IGFBP5: variants seen among roughly 807,000 people sequenced by gnomAD.
IGFBP5 encodes the protein insulin like growth factor binding protein 5.
Under a neutral mutation model 28.0 loss-of-function variants are expected in IGFBP5, and 12 were observed. The observed-to-expected ratio is 0.43, with a 90% CI of 0.27 to 0.69. The LOEUF is 0.69. Among genes scored for constraint, IGFBP5 ranks in the 30% least tolerant of loss-of-function variants. The pLI is 0.20. For missense variants in IGFBP5, 344 were observed against 381.6 expected, an observed-to-expected ratio of 0.90 and a Z score of 0.82; for synonymous variants, 152 against 150.2, an observed-to-expected ratio of 1.01 and a Z score of -0.09.
At position 216,676,408 on chromosome 2, in the gene IGFBP5, C is replaced by A. The variant is rs137931946; in HGVS notation, c.*343G>T. 2.4e-3 allele frequency: 414 copies of A among 175,914 alleles called. 1 individual carries two copies. The highest frequency in any genetic ancestry group is 9.4e-3 in the African/African-American group (393 of 41,724). 10.9% of individuals were successfully genotyped at this position (175,914 alleles called of 1,614,324 possible). On this transcript the variant is annotated 3_prime_UTR_variant, in exon 4 of 4. Transcript: ENST00000233813. Reference sequence around the variant, plus strand: ...CTGCCCACCTGCTTGTCTTCCTTTTCCTAACTCTATTCGTCTTTCTCTCTC... The same window carrying A: ...CTGCCCACCTGCTTGTCTTCCTTTTACTAACTCTATTCGTCTTTCTCTCTC...
chr2:216,678,621 C>T, intron 2 of IGFBP5: 1 of 583,508 alleles, frequency 1.7e-6, no homozygotes, highest in South Asian at 2.2e-5. Context: ...GGCTGGCACA[C>T]ACTCTCCTCA....
intron 1 of IGFBP5, among the ~76,000 whole-genome samples, chr2:216,691,717 C>G (rs905916741): frequency 9.9e-5 from 15 of 151,920 alleles, no homozygotes; most frequent in Non-Finnish European, 2.2e-4. Flanking sequence ...CTCTTCTGCT[C>G]CCCATTTCTG....
chr2:216,694,606 A>C lies in IGFBP5; in HGVS notation c.170T>G (p.Met57Arg), dbSNP rs949282862. 16 of 1,543,440 alleles carry C rather than the reference A, an allele frequency of 1.0e-5. No homozygotes were observed. Among genetic ancestry groups the C allele is most frequent in the Non-Finnish European group, 1.4e-5 (16 of 1,146,286 alleles). ...CTGCCCCTCGGCCAGGGCGCAGGTC[A>C]TGCAGCAGCCGCAGCCCGGCTCCTT... is the stretch of plus-strand genomic sequence containing the variant. ...LVKEPGCGCC[M>R]TCALAEGQSC... The change falls in exon 1 of 4, where the codon ATG becomes AGG. Residue 57 changes from methionine (M) to arginine (R), a missense_variant. Transcript: ENST00000233813. The surrounding 1 kb of genome is among the most constrained non-coding windows in gnomAD (Gnocchi z 5.2).
rs1462538826 is a variant in IGFBP5 at position 216,674,491 on chromosome 2, TG to T, written c.*2259del. The T allele has an allele frequency of 1.3e-5, 2 of 152,376 alleles. No individual in the cohort carries two copies. Among genetic ancestry groups the T allele is most frequent in the African/African-American group, 4.8e-5 (2 of 41,452 alleles). The allele number at this position is 152,376 out of a possible 1,614,324, so 9.4% of individuals were successfully genotyped here. ...GGGTTCCCATCAGTTGAAACAGATT[TG>T]CTTTTTCGCTATTCCTCTTCGTAGC... On this transcript the variant is annotated 3_prime_UTR_variant, in exon 4 of 4. Coordinates refer to ENST00000233813, the MANE Select transcript of IGFBP5 (RefSeq NM_000599.4). This position sits in a 1 kb window ranked among gnomAD's most constrained non-coding sequence, Gnocchi z 4.4.
In IGFBP5 at chr2:216,692,490, T is replaced by C. The variant is rs914409695; in HGVS notation, c.337+1949A>G. 6.6e-6 allele frequency among the ~76,000 whole-genome samples: 1 copy of C among 151,774 alleles called. No individual in the cohort carries two copies. Among genetic ancestry groups the C allele is most frequent in the African/African-American group, 2.4e-5 (1 of 41,328 alleles). ...CACTAGCCACATCACACTACACGCT[T>C]GGTAAATAATAAGTGGAGCCAGGAT... On this transcript the variant is annotated intron_variant, in intron 1 of 3. Coordinates refer to ENST00000233813, the MANE Select transcript of IGFBP5 (RefSeq NM_000599.4). This position sits in a 1 kb window ranked among gnomAD's most constrained non-coding sequence, Gnocchi z 4.2.
intron 1 of IGFBP5, among the ~76,000 whole-genome samples, chr2:216,690,126 G>C (rs965220886): frequency 6.6e-6 from 1 of 152,208 alleles, no homozygotes; most frequent in Non-Finnish European, 1.5e-5. Context: ...ATTTTTGCAA[G>C]TATGTAATCA....
chr2:216,676,626 T>C lies in IGFBP5; in HGVS notation c.*125A>G, dbSNP rs1357753603. ...TTCCGAGGTCCTCAGTTTCCTCAAA[T>C]AGATAGATATATATTTTTCCCTTAA... On this transcript the variant is annotated 3_prime_UTR_variant, in exon 4 of 4. Coordinates refer to ENST00000233813, the MANE Select transcript of IGFBP5 (RefSeq NM_000599.4). The C allele has an allele frequency of 5.0e-6, 3 of 600,052 alleles. No individual in the cohort carries two copies. The Admixed American group carries it at 1.0e-4, about 21-fold the overall frequency. 37.2% of individuals were successfully genotyped at this position (600,052 alleles called of 1,614,324 possible).
At chr2:216,693,039 C>A (rs1689119442) in intron 1 of IGFBP5, among the ~76,000 whole-genome samples, 1 of 152,164 alleles carries the variant, frequency 6.6e-6, no homozygotes, top group Non-Finnish European at 1.5e-5. Flanking sequence ...AAACTGTCTC[C>A]GTAACTAAAC....
chr2:216,685,714 T>C (rs1249785148), intron 1 of IGFBP5, among the ~76,000 whole-genome samples: 3 of 152,114 alleles, frequency 2.0e-5, no homozygotes, highest in Non-Finnish European at 4.4e-5. Flanking sequence ...TTTCTGCGCT[T>C]GTGTGTGTGC....
At chr2:216,691,923 C>G (rs867515377) in intron 1 of IGFBP5, among the ~76,000 whole-genome samples, 5 of 134,534 alleles carry the variant, frequency 3.7e-5, no homozygotes, top group African/African-American at 1.4e-4. Flanking sequence ...TATCTGCAAG[C>G]TCAGATTTTG....
intron 1 of IGFBP5, among the ~76,000 whole-genome samples, chr2:216,690,886 G>A (rs1355819483): frequency 1.5e-5 from 2 of 136,322 alleles, no homozygotes; most frequent in Admixed American, 1.4e-4. Flanking sequence ...GGGAGGGGGG[G>A]CGGGGTGGGC....
At position 216,684,544 on chromosome 2, in the gene IGFBP5, C is replaced by T. The variant is rs1415630406; in HGVS notation, c.338-5465G>A. Among the ~76,000 whole-genome samples the T allele has an allele frequency of 2.6e-5, 4 of 152,070 alleles. No individual in the cohort carries two copies. The South Asian group carries it at 6.2e-4, about 24-fold the overall frequency. Reference sequence around the variant, plus strand: ...CCACCCAGACCTGGGGAGATTCTCCCATCTCCTTTTCTAGACAGAAGATAA... The same window carrying T: ...CCACCCAGACCTGGGGAGATTCTCCTATCTCCTTTTCTAGACAGAAGATAA... On this transcript the variant is annotated intron_variant, in intron 1 of 3. Transcript: ENST00000233813.
At chr2:216,685,285 A>G (rs1444259545) in intron 1 of IGFBP5, among the ~76,000 whole-genome samples, 1 of 151,940 alleles carries the variant, frequency 6.6e-6, no homozygotes. Context: ...AAAAAAAAAA[A>G]AGTATATATT....
At position 216,694,726 on chromosome 2, in the gene IGFBP5, G is replaced by C. The variant is rs775897614; in HGVS notation, c.50C>G (p.Pro17Arg). Residue 17 changes from proline to arginine, a missense_variant, in exon 1 of 4, where the codon CCG becomes CGG. Physicochemically the swap from Pro to Arg is moderately radical, Grantham distance 103. Transcript: ENST00000233813. This position sits in a 1 kb window ranked among gnomAD's most constrained non-coding sequence, Gnocchi z 5.2. ...VLLLLAAYAG[P>R]AQSLGSFVHC... Reference sequence around the variant, plus strand: ...CACGAAGGAGCCCAGGCTCTGGGCCGGCCCCGCATAGGCGGCCAGCAGCAG... The same window carrying C: ...CACGAAGGAGCCCAGGCTCTGGGCCCGCCCCGCATAGGCGGCCAGCAGCAG... 1.8e-5 allele frequency: 26 copies of C among 1,458,964 alleles called. No individual in the cohort carries two copies. Among genetic ancestry groups the C allele is most frequent in the Non-Finnish European group, 2.1e-5 (23 of 1,110,080 alleles). The allele number at this position is 1,458,964 out of a possible 1,614,324, so 90.4% of individuals were successfully genotyped here.
chr2:216,683,094 G>A (rs993539701), intron 1 of IGFBP5, among the ~76,000 whole-genome samples: 2 of 152,178 alleles, frequency 1.3e-5, no homozygotes, highest in African/African-American at 4.8e-5. Flanking sequence ...CAAGGTGAGT[G>A]GATTGCCTGA....
chr2:216,681,546 T>C (rs915316766), intron 1 of IGFBP5, among the ~76,000 whole-genome samples: 1 of 152,092 alleles, frequency 6.6e-6, no homozygotes, highest in Non-Finnish European at 1.5e-5. Context: ...GTGGCTGGTG[T>C]AGCAGTTCCT....
Position 216,684,914 on chromosome 2 carries a change from G to A in IGFBP5, c.338-5835C>T, listed in dbSNP as rs1168095425. Among the ~76,000 whole-genome samples the A allele has an allele frequency of 3.3e-5, 5 of 152,202 alleles. No individual in the cohort carries two copies. In the East Asian group the frequency reaches 9.6e-4, roughly 29 times the overall value. ...GGCACAGGGAAGCAGACAGATGAGC[G>A]TCATGGGTGTGAGAAACAGCAGGGG... On this transcript the variant is annotated intron_variant, in intron 1 of 3. Coordinates refer to ENST00000233813, the MANE Select transcript of IGFBP5 (RefSeq NM_000599.4).
At position 216,679,128 on chromosome 2, in the gene IGFBP5, A is replaced by C. The variant is rs756707153; in HGVS notation, c.338-49T>G. On this transcript the variant is annotated intron_variant, in intron 1 of 3. Transcript: ENST00000233813. This position sits in a 1 kb window ranked among gnomAD's most constrained non-coding sequence, Gnocchi z 4.6. ...TCAGCCCCCGTGGGCCAAGGTGCAC[A>C]CGGCCAGAGCCCAGGGCTGGGCAGT... 6.6e-7 allele frequency: 1 copy of C among 1,516,318 alleles called. No individual in the cohort carries two copies. Among genetic ancestry groups the C allele is most frequent in the Non-Finnish European group, 9.2e-7 (1 of 1,092,458 alleles). The allele number at this position is 1,516,318 out of a possible 1,614,324, so 93.9% of individuals were successfully genotyped here.
chr2:216,686,814 G>A lies in IGFBP5; in HGVS notation c.337+7625C>T, dbSNP rs115555876. On this transcript the variant is annotated intron_variant, in intron 1 of 3. Coordinates refer to ENST00000233813, the MANE Select transcript of IGFBP5 (RefSeq NM_000599.4). The stretch of plus-strand genomic sequence containing the variant: ...CTTGAGTAGCTGGGACTAAAGGCAT[G>A]CAGCACCACGCCCAGGATGGTCTTG... 2.5e-3 allele frequency among the ~76,000 whole-genome samples: 383 copies of A among 151,818 alleles called. 4 individuals are homozygous for A. Among genetic ancestry groups the A allele is most frequent in the African/African-American group, 8.9e-3 (368 of 41,424 alleles).
Sources: gnomAD v4.1 joint callset for allele counts (sites outside exome capture counted in the v4.1 genomes callset) on GRCh38, gnomAD v4.1.1 for gene constraint, Gnocchi (gnomAD v3.1) non-coding constraint, MANE v1.5 for transcripts, NCBI Gene and HGNC (gene_info 2026-07-23, HGNC 2026-07-21) for gene names.